The following EPB41 variants were observed in gnomAD, a reference collection of about 807,000 sequenced individuals.
The protein encoded by EPB41 is protein 4.1.
A neutral mutation model predicts 108.0 loss-of-function variants in EPB41; 65 were observed. That is an observed-to-expected ratio of 0.60 (90% CI 0.49 to 0.74). The LOEUF (loss-of-function observed/expected upper bound fraction) is 0.74. Ranked by LOEUF, EPB41 falls within the 30% of genes least tolerant of loss-of-function variation. The probability of loss-of-function intolerance (pLI) is 0.00; values close to 1 mark genes in which losing one functional copy is unlikely to be tolerated. For missense variants in EPB41, 875 were observed against 1,037.0 expected (o/e 0.84, Z 2.15); for synonymous variants, 336 against 358.9 (o/e 0.94, Z 0.72).
At chr1:28,925,336 T>C (rs1007589543) in intron 1 of EPB41, among the ~76,000 whole-genome samples, 2 of 152,142 alleles carry the variant, frequency 1.3e-5, no homozygotes, top group Non-Finnish European at 2.9e-5. Context: ...GGTCTTGAAC[T>C]CCTGGGCTCA....
intron 16 of EPB41, among the ~76,000 whole-genome samples, chr1:29,086,163 T>A (rs866762662): frequency 6.6e-6 from 1 of 152,080 alleles, no homozygotes; most frequent in African/African-American, 2.4e-5. Context: ...ACCAAAGTAA[T>A]ACATACTTGT....
chr1:29,036,028 T>C (rs1639292324), intron 10 of EPB41, 105 bp downstream of exon 10: 1 of 837,852 alleles, frequency 1.2e-6, no homozygotes, highest in Admixed American at 2.1e-5. Flanking sequence ...CACTCTTTTA[T>C]TTAGCTCAGG....
rs1424149287 is a variant in EPB41 at position 29,039,153 on chromosome 1, AAT to A, written c.1464-100_1464-99del. The A allele has an allele frequency of 5.3e-6, 7 of 1,318,370 alleles. No homozygotes were observed. In the African/African-American group the frequency reaches 1.0e-4, roughly 20 times the overall value. The allele number at this position is 1,318,370 out of a possible 1,614,324, so 81.7% of individuals were successfully genotyped here. The stretch of plus-strand genomic sequence containing the variant: ...TTAGTAACTATATGGAAACCCTGAG[AAT>A]TGTGAAACTTTTTTATTCTTGATTT... On this transcript the variant is annotated intron_variant, in intron 10 of 20. Transcript: ENST00000343067.
At chr1:29,061,522 G>A (rs1014361087) in intron 15 of EPB41, among the ~76,000 whole-genome samples, 3 of 149,060 alleles carry the variant, frequency 2.0e-5, no homozygotes, top group African/African-American at 7.4e-5. Context: ...GCCCACCTTG[G>A]CCTCCCAAAG....
intron 17 of EPB41, 83 bp downstream of exon 17, chr1:29,098,018 C>A: frequency 6.3e-7 from 1 of 1,582,940 alleles, no homozygotes; most frequent in Non-Finnish European, 8.7e-7. Flanking sequence ...AGTCATTTAT[C>A]GCCAAGAATA....
In EPB41 at chr1:29,032,248, A is replaced by C. The variant is rs563992789; in HGVS notation, c.1213-845A>C. 2.6e-5 allele frequency among the ~76,000 whole-genome samples: 4 copies of C among 152,260 alleles called. No individual in the cohort carries two copies. In the East Asian group the frequency reaches 7.7e-4, roughly 29 times the overall value. On this transcript the variant is annotated intron_variant, in intron 8 of 20. Coordinates refer to ENST00000343067, the MANE Select transcript of EPB41 (RefSeq NM_001376013.1). ...TGAAATGGTTAGATTTTGCTTCACA[A>C]TTCCTGCTGGAAGCTGGTGTCAATT...
intron 1 of EPB41, among the ~76,000 whole-genome samples, chr1:28,963,088 A>G (rs1182833399): frequency 2.6e-5 from 4 of 152,116 alleles, no homozygotes; most frequent in Non-Finnish European, 4.4e-5. Flanking sequence ...TTGTAATTAC[A>G]TTCATTACTC....
At chr1:28,946,320 G>T (rs1313619582) in intron 1 of EPB41, among the ~76,000 whole-genome samples, 1 of 152,038 alleles carries the variant, frequency 6.6e-6, no homozygotes, top group African/African-American at 2.4e-5. Context: ...TGTTGGCCAG[G>T]ATGGTCTTGA....
At position 29,065,126 on chromosome 1, in the gene EPB41, A is replaced by G; in HGVS notation, c.2152A>G (p.Asn718Asp). The part of the protein sequence containing the change: ...LSTHSPFRTL[N>D]INGQIPTGEG... Reference sequence around the variant, plus strand: ...CACTCACTCACCCTTCCGAACTCTTAACATCAATGGGCAAATCCCCACAGG... The same window carrying G: ...CACTCACTCACCCTTCCGAACTCTTGACATCAATGGGCAAATCCCCACAGG... Residue 718 changes from asparagine to aspartate, a missense_variant, in exon 16 of 21, where the codon AAC becomes GAC. This residue lies in a region of EPB41 where 519 missense variants were observed against 627.3 expected (regional missense o/e 0.83). Coordinates refer to ENST00000343067, the MANE Select transcript of EPB41 (RefSeq NM_001376013.1). The G allele has an allele frequency of 6.2e-7, 1 of 1,610,684 alleles. No homozygotes were observed. The highest frequency in any genetic ancestry group is 8.5e-7 in the Non-Finnish European group (1 of 1,177,532).
At chr1:29,107,768 T>A (rs1667671681) in intron 17 of EPB41, among the ~76,000 whole-genome samples, 1 of 150,356 alleles carries the variant, frequency 6.7e-6, no homozygotes, top group South Asian at 2.1e-4. Flanking sequence ...GGAGAATTGC[T>A]TGAACCTGGG....
chr1:29,060,565 G>A, intron 15 of EPB41, 81 bp downstream of exon 15: 2 of 1,320,664 alleles, frequency 1.5e-6, no homozygotes, highest in African/African-American at 1.5e-5. Flanking sequence ...TCTTCATTCT[G>A]TGCTGCATTT....
At chr1:28,982,122 C>T (rs1571890522) in intron 1 of EPB41, among the ~76,000 whole-genome samples, 1 of 151,868 alleles carries the variant, frequency 6.6e-6, no homozygotes, top group South Asian at 2.1e-4. Context: ...TCAATTCCCA[C>T]CTATGAGTGA....
At chr1:29,071,281 C>T (rs1204209058) in intron 16 of EPB41, 1 of 152,146 alleles carries the variant, frequency 6.6e-6, no homozygotes, top group Non-Finnish European at 1.5e-5. Flanking sequence ...AGATTAAATG[C>T]CATCTTTTCA....
chr1:29,116,094 TTCA>T (rs1287175029), intron 20 of EPB41, among the ~76,000 whole-genome samples: 25 of 151,760 alleles, frequency 1.6e-4, no homozygotes, highest in African/African-American at 5.6e-4. Flanking sequence ...GGAGATCCAC[TTCA>T]CCTTCCCCCT....
rs562385577 is a variant in EPB41, at chr1:28,973,550, C to T, written c.-7-13881C>T. On this transcript the variant is annotated intron_variant, in intron 1 of 20. Coordinates refer to ENST00000343067, the MANE Select transcript of EPB41 (RefSeq NM_001376013.1). ...GACTACAGGCATGCACCACCATGCC[C>T]GGCTACTTTTTTTATTTTTATTTTT... Among the ~76,000 whole-genome samples, 12 of 152,090 alleles carry T rather than the reference C, an allele frequency of 7.9e-5. No homozygotes were observed. The East Asian group carries it at 1.4e-3, about 17-fold the overall frequency.
At chr1:28,958,819 C>CAAAA (rs35105287) in intron 1 of EPB41, among the ~76,000 whole-genome samples, 149 of 63,214 alleles carry the variant, frequency 2.4e-3, no homozygotes, top group Non-Finnish European at 2.8e-3. Context: ...ACCCTGTCTC[C>CAAAA]AAAAAAAAAA....
In EPB41 at chr1:28,963,702, T is replaced by A. The variant is rs141234518; in HGVS notation, c.-7-23729T>A. Among the ~76,000 whole-genome samples the A allele has an allele frequency of 4.4e-3, 663 of 152,254 alleles. 4 individuals are homozygous for A. The highest frequency in any genetic ancestry group is 0.015 in the African/African-American group (630 of 41,540). On this transcript the variant is annotated intron_variant, in intron 1 of 20. Coordinates refer to ENST00000343067, the MANE Select transcript of EPB41 (RefSeq NM_001376013.1). ...CAAAAAGAACCACTTGATCAGATGA[T>A]TTATCAGTCTCATTGAGGTTTAAGA...
chr1:29,041,009 G>A (rs141342333), intron 11 of EPB41, among the ~76,000 whole-genome samples: 13,539 of 151,808 alleles, frequency 0.089, 812 homozygotes, highest in East Asian at 0.27. Context: ...GGTGGCGCAC[G>A]TCTGTAATCC....
intron 16 of EPB41, among the ~76,000 whole-genome samples, chr1:29,091,025 A>G (rs1270707454): frequency 2.0e-5 from 3 of 152,172 alleles, no homozygotes; most frequent in African/African-American, 7.2e-5. Flanking sequence ...ATATTTGTTG[A>G]GTTGAAATTA....
Sources: allele counts gnomAD v4.1 joint callset (sites outside exome capture counted in the v4.1 genomes callset), GRCh38; gene constraint gnomAD v4.1.1; regional missense constraint gnomAD v4.1.1; transcripts MANE v1.5; gene names NCBI Gene and HGNC (gene_info 2026-07-23, HGNC 2026-07-21).